Variants in ATP6V0A1 observed in about 807,000 individuals in gnomAD.
The protein encoded by ATP6V0A1 is V-type proton ATPase 116 kDa subunit a 1.
In ATP6V0A1, 43 loss-of-function variants were observed where a neutral mutation model predicts 105.4. That is an observed-to-expected ratio of 0.41 (90% confidence interval 0.32 to 0.53). The LOEUF (loss-of-function observed/expected upper bound fraction) is 0.53. Among genes scored for constraint, ATP6V0A1 ranks in the 20% least tolerant of loss-of-function variants. The probability of loss-of-function intolerance (pLI) is 0.30; values close to 1 mark genes in which losing one functional copy is unlikely to be tolerated. For missense variants in ATP6V0A1, 676 were observed against 1,051.1 expected (o/e 0.64, Z 4.93); for synonymous variants, 362 against 372.8 (o/e 0.97, Z 0.33).
At chr17:42,511,578 A>G (rs2092347714) in intron 19 of ATP6V0A1, 1 of 152,414 alleles carries the variant, frequency 6.6e-6, no homozygotes, top group African/African-American at 2.4e-5. Context: ...GAGAGGTAGG[A>G]GGAAAACCAA....
rs56397012 is a variant in ATP6V0A1 at position 42,492,706 on chromosome 17, CAA to C, written c.1175-1609_1175-1608del. Reference sequence around the variant, plus strand: ...GGGCAAAAAGAGTGAAACTCTGTCTCAAAAAAAAAAAAAAAAAAAAGTTCATC... The same window carrying C: ...GGGCAAAAAGAGTGAAACTCTGTCTCAAAAAAAAAAAAAAAAAAGTTCATC... On this transcript the variant is annotated intron_variant, in intron 11 of 21. Transcript: ENST00000343619. Among the ~76,000 whole-genome samples the C allele has an allele frequency of 8.7e-3, 830 of 95,120 alleles. 4 individuals are homozygous for C. Among genetic ancestry groups the C allele is most frequent in the Middle Eastern group, 0.019 (3 of 160 alleles). 62.4% of individuals were successfully genotyped at this position (95,120 alleles called of 152,430 possible). A position where few individuals can be genotyped will look rare whatever the true frequency, so the allele number is the denominator to read the frequency against.
intron 3 of ATP6V0A1, among the ~76,000 whole-genome samples, chr17:42,467,066 G>C (rs146589152): frequency 0.014 from 2,064 of 152,148 alleles, 49 homozygotes; most frequent in African/African-American, 0.047. Context: ...AGAATGGCAT[G>C]GACCCGGGAG....
At chr17:42,499,132 A>G (rs2091447438) in intron 15 of ATP6V0A1, 90 bp downstream of exon 15, 1 of 974,138 alleles carries the variant, frequency 1.0e-6, no homozygotes, top group Non-Finnish European at 1.6e-6. Context: ...GGAGGGATTA[A>G]TAACTCAGAA....
At chr17:42,500,087 A>G (rs1599001700) in intron 15 of ATP6V0A1, among the ~76,000 whole-genome samples, 2 of 151,976 alleles carry the variant, frequency 1.3e-5, no homozygotes, top group South Asian at 4.2e-4. Context: ...AAAAAAAAAA[A>G]AAAAAAAGTT....
intron 4 of ATP6V0A1, among the ~76,000 whole-genome samples, chr17:42,469,080 T>A (rs942294166): frequency 2.0e-5 from 3 of 152,052 alleles, no homozygotes; most frequent in Admixed American, 6.6e-5. Flanking sequence ...ACTCCTAACC[T>A]CAAGCAATCT....
At chr17:42,470,295 AATT>A (rs1212791761) in intron 5 of ATP6V0A1, 77 bp downstream of exon 5, 1 of 1,523,748 alleles carries the variant, frequency 6.6e-7, no homozygotes, top group Non-Finnish European at 8.9e-7. Context: ...TTATTCCAGT[AATT>A]ATTTTAATTT....
intron 17 of ATP6V0A1, among the ~76,000 whole-genome samples, chr17:42,506,082 C>G (rs915538711): frequency 6.6e-6 from 1 of 152,192 alleles, no homozygotes; most frequent in African/African-American, 2.4e-5. Context: ...GCCACCGCGC[C>G]CAGCCCCTTA....
intron 10 of ATP6V0A1, 127 bp downstream of exon 10, chr17:42,487,494 G>A: frequency 1.3e-5 from 11 of 824,950 alleles, no homozygotes; most frequent in Middle Eastern, 3.6e-4. Flanking sequence ...TTGGGAGGCC[G>A]AGGCGGGCAG....
At chr17:42,507,183 T>G (rs543354370) in intron 17 of ATP6V0A1, among the ~76,000 whole-genome samples, 1 of 152,344 alleles carries the variant, frequency 6.6e-6, no homozygotes, top group East Asian at 1.9e-4. Flanking sequence ...CTGTACTTGT[T>G]GTGAGAATCT....
chr17:42,512,391 G>GAGATCAGCA, intron 19 of ATP6V0A1, among the ~76,000 whole-genome samples: 1 of 152,324 alleles, frequency 6.6e-6, no homozygotes, highest in South Asian at 2.1e-4. Flanking sequence ...CATAGGAGTA[G>GAGATCAGCA]AGATCAGCAC....
chr17:42,461,590 T>C (rs2086407437), intron 2 of ATP6V0A1, among the ~76,000 whole-genome samples: 2 of 152,016 alleles, frequency 1.3e-5, no homozygotes, highest in South Asian at 2.1e-4. Context: ...CTGGCCAACA[T>C]GGTGAAACCC....
intron 10 of ATP6V0A1, among the ~76,000 whole-genome samples, chr17:42,489,444 T>G (rs1470596744): frequency 1.3e-5 from 2 of 151,952 alleles, no homozygotes; most frequent in Admixed American, 6.6e-5. Context: ...GTGAAGAGAT[T>G]CTGTAGGTAG....
chr17:42,491,791 G>C (rs1309377253), intron 11 of ATP6V0A1, among the ~76,000 whole-genome samples: 2 of 150,862 alleles, frequency 1.3e-5, no homozygotes, highest in Non-Finnish European at 3.0e-5. Context: ...CCATTTTTTT[G>C]TATTTTTAGT....
intron 5 of ATP6V0A1, among the ~76,000 whole-genome samples, chr17:42,475,785 T>C (rs151149524): frequency 1.8e-4 from 27 of 152,354 alleles, no homozygotes; most frequent in African/African-American, 6.3e-4. Context: ...TTCTTAAGTA[T>C]GAAGTGGTGA....
chr17:42,470,514 TATAAG>T (rs1446575774), intron 5 of ATP6V0A1: 30 of 267,998 alleles, frequency 1.1e-4, no homozygotes, highest in South Asian at 8.7e-4. Flanking sequence ...TATTTATACT[TATAAG>T]GTAAGTATAT....
chr17:42,503,715 G>A (rs2091849218), intron 17 of ATP6V0A1, among the ~76,000 whole-genome samples: 1 of 152,132 alleles, frequency 6.6e-6, no homozygotes, highest in Non-Finnish European at 1.5e-5. Context: ...GATTTAGATG[G>A]ATAACCATTT....
chr17:42,483,770 CA>C (rs2089805898), intron 9 of ATP6V0A1, among the ~76,000 whole-genome samples: 1 of 152,102 alleles, frequency 6.6e-6, no homozygotes, highest in African/African-American at 2.4e-5. Flanking sequence ...TTAGTAGAGA[CA>C]GGGTTTCACC....
rs770987492 is a variant in ATP6V0A1, at chr17:42,494,522, A to C, written c.1314+49A>C. On this transcript the variant is annotated intron_variant, in intron 12 of 21. Coordinates refer to ENST00000343619, the MANE Select transcript of ATP6V0A1 (RefSeq NM_001130021.3). ...TTGAACTGAAATTTTATAATTTCCC[A>C]AGCATTCATTATGAAAATTATGATC... 47 of 1,545,460 alleles carry C rather than the reference A, an allele frequency of 3.0e-5. 2 individuals are homozygous for C. The highest frequency in any genetic ancestry group is 3.6e-5 in the Non-Finnish European group (41 of 1,135,628).
At chr17:42,459,580 C>G (rs1365094225) in intron 1 of ATP6V0A1, among the ~76,000 whole-genome samples, 1 of 152,170 alleles carries the variant, frequency 6.6e-6, no homozygotes, top group Non-Finnish European at 1.5e-5. Flanking sequence ...GGAGGCGACT[C>G]GTTGGAGGCT....
Sources: gnomAD v4.1 joint callset for allele counts (sites outside exome capture counted in the v4.1 genomes callset) on GRCh38, gnomAD v4.1.1 for gene constraint, MANE v1.5 for transcripts, NCBI Gene and HGNC (gene_info 2026-07-23, HGNC 2026-07-21) for gene names.